LYN: variants seen among roughly 807,000 people sequenced by gnomAD.
LYN encodes the protein LYN proto-oncogene, Src family tyrosine kinase.
In LYN, 12 loss-of-function variants were observed where a neutral mutation model predicts 65.0. That is an observed-to-expected ratio of 0.18 (90% CI 0.12 to 0.30). LYN has a LOEUF of 0.30. LYN is among the 10% of genes least tolerant of loss of function. The pLI is 1.00. For missense variants in LYN, 380 were observed against 623.2 expected (o/e 0.61, Z 4.16); for synonymous variants, 222 against 221.2 (o/e 1.00, Z -0.03).
intron 12 of LYN, among the ~76,000 whole-genome samples, chr8:56,002,559 A>G: frequency 6.6e-6 from 1 of 151,602 alleles, no homozygotes; most frequent in South Asian, 2.1e-4. Flanking sequence ...CCAAGATTGC[A>G]CCACTGCAGT....
At chr8:55,886,396 C>A (rs557096436) in intron 1 of LYN, among the ~76,000 whole-genome samples, 18 of 151,886 alleles carry the variant, frequency 1.2e-4, no homozygotes, top group Non-Finnish European at 2.9e-5. Flanking sequence ...TGCACCAATG[C>A]ACCACCATGC....
At chr8:55,926,623 A>T (rs1198997944) in intron 1 of LYN, among the ~76,000 whole-genome samples, 1 of 152,250 alleles carries the variant, frequency 6.6e-6, no homozygotes, top group African/African-American at 2.4e-5. Context: ...AACCATAATT[A>T]TTAAGACACA....
At chr8:56,005,467 C>A (rs1453901722) in intron 12 of LYN, among the ~76,000 whole-genome samples, 1 of 152,228 alleles carries the variant, frequency 6.6e-6, no homozygotes, top group Non-Finnish European at 1.5e-5. Context: ...GGCCTCCCTC[C>A]CTCATGGTAT....
intron 1 of LYN, among the ~76,000 whole-genome samples, chr8:55,918,213 G>C (rs1805835140): frequency 6.6e-6 from 1 of 152,180 alleles, no homozygotes; most frequent in African/African-American, 2.4e-5. Context: ...CCTTCCACAA[G>C]GCCTCAGTGG....
intron 1 of LYN, among the ~76,000 whole-genome samples, chr8:55,939,098 A>G (rs564628563): frequency 7.1e-4 from 108 of 152,300 alleles, no homozygotes; most frequent in Non-Finnish European, 2.5e-4. Flanking sequence ...TGTATTTTCT[A>G]CATTTCTGGT....
At chr8:55,935,105 C>A (rs947409331) in intron 1 of LYN, among the ~76,000 whole-genome samples, 6 of 152,178 alleles carry the variant, frequency 3.9e-5, no homozygotes, top group African/African-American at 1.4e-4. Context: ...CTGAGGGATT[C>A]CCGGCACCGA....
chr8:55,971,618 T>C (rs974870916), intron 10 of LYN, among the ~76,000 whole-genome samples: 1 of 152,228 alleles, frequency 6.6e-6, no homozygotes, highest in African/African-American at 2.4e-5. Flanking sequence ...AGAGTAGAAG[T>C]TACACACATT....
At chr8:55,957,510 A>G (rs1368232588) in intron 8 of LYN, among the ~76,000 whole-genome samples, 1 of 152,232 alleles carries the variant, frequency 6.6e-6, no homozygotes, top group Admixed American at 6.5e-5. Flanking sequence ...ATCTTGTTCT[A>G]GCCTCTCCTG....
At chr8:55,954,577 A>G (rs7832713) in intron 8 of LYN, among the ~76,000 whole-genome samples, 125,827 of 152,172 alleles carry the variant, frequency 0.83, 54,655 homozygotes, top group East Asian at 0.98. Flanking sequence ...AGTGGCTCAT[A>G]CCTGTAATCC....
intron 1 of LYN, among the ~76,000 whole-genome samples, chr8:55,884,103 T>A (rs1804720471): frequency 6.6e-6 from 1 of 152,184 alleles, no homozygotes; most frequent in Admixed American, 6.5e-5. Context: ...GTTGTTTTGT[T>A]TGTTCTTCTT....
At chr8:55,993,010 A>C (rs955989152) in intron 10 of LYN, among the ~76,000 whole-genome samples, 2 of 152,092 alleles carry the variant, frequency 1.3e-5, no homozygotes, top group African/African-American at 4.8e-5. Flanking sequence ...AGTGGGGGTA[A>C]GATTGCCCCC....
chr8:55,973,703 T>C (rs1293567089), intron 10 of LYN, among the ~76,000 whole-genome samples: 1 of 152,202 alleles, frequency 6.6e-6, no homozygotes, highest in Non-Finnish European at 1.5e-5. Context: ...ATCAAAGCAT[T>C]TATTACTCTT....
In LYN at chr8:55,963,012, A is replaced by G. The variant is rs370297184; in HGVS notation, c.791-3703A>G. ...ACTCTTTACCACGGGGATGGCCCCA[A>G]GCCATTCATGAGGGATTCATTCCCA... On this transcript the variant is annotated intron_variant, in intron 8 of 12. Transcript: ENST00000519728. Among the ~76,000 whole-genome samples the G allele has an allele frequency of 7.2e-5, 11 of 152,370 alleles. No individual in the cohort carries two copies. In the East Asian group the frequency reaches 1.9e-3, roughly 27 times the overall value.
At chr8:55,906,564 C>T (rs1345013437) in intron 1 of LYN, among the ~76,000 whole-genome samples, 2 of 151,468 alleles carry the variant, frequency 1.3e-5, no homozygotes, top group Non-Finnish European at 2.9e-5. Flanking sequence ...ACCATGTTGC[C>T]CAGGCTAGTC....
intron 1 of LYN, among the ~76,000 whole-genome samples, chr8:55,908,222 C>T (rs1353512375): frequency 1.4e-5 from 2 of 142,948 alleles, no homozygotes; most frequent in Non-Finnish European, 3.0e-5. Context: ...CTGTTTAAAC[C>T]ATTTATTTAT....
chr8:55,947,606 G>A lies in LYN; in HGVS notation c.179-12G>A. ...TGGATTCTTACAGGTGTTCTCTTGT[G>A]TTCATCTTTAGATCCAGAGGAACAA... On this transcript the variant is annotated splice_polypyrimidine_tract_variant and intron_variant, in intron 3 of 12. Transcript: ENST00000519728. 1 of 1,585,884 alleles carries A rather than the reference G, an allele frequency of 6.3e-7. No individual in the cohort carries two copies. The highest frequency in any genetic ancestry group is 1.3e-5 in the African/African-American group (1 of 74,500).
chr8:55,909,250 C>T (rs13279481), intron 1 of LYN, among the ~76,000 whole-genome samples: 103,757 of 151,494 alleles, frequency 0.68, 35,682 homozygotes, highest in East Asian at 0.95. Flanking sequence ...ACTGCATTTC[C>T]AGCTGCACCC....
intron 3 of LYN, among the ~76,000 whole-genome samples, chr8:55,946,881 C>A (rs1398211611): frequency 6.6e-6 from 1 of 152,182 alleles, no homozygotes; most frequent in African/African-American, 2.4e-5. Flanking sequence ...AGCCTGATGT[C>A]CTCAAGGTTC....
In LYN at chr8:55,888,561, G is replaced by T. The variant is rs531073701; in HGVS notation, c.-6+8458G>T. On this transcript the variant is annotated intron_variant, in intron 1 of 12. Coordinates refer to ENST00000519728, the MANE Select transcript of LYN (RefSeq NM_002350.4). ...GCTTTGAGTAGGTGGAGAGTTGAAT[G>T]ACTCAAGGCTACTTCTCTAGAGATT... Among the ~76,000 whole-genome samples the T allele has an allele frequency of 4.6e-5, 7 of 152,320 alleles. No homozygotes were observed. The East Asian group carries it at 1.3e-3, about 29-fold the overall frequency.
Sources: allele counts gnomAD v4.1 joint callset (sites outside exome capture counted in the v4.1 genomes callset), GRCh38; gene constraint gnomAD v4.1.1; transcripts MANE v1.5; gene names NCBI Gene and HGNC (gene_info 2026-07-23, HGNC 2026-07-21).